The following MEIS2 variants were observed in gnomAD, a reference collection of about 807,000 sequenced individuals.
MEIS2 encodes the protein homeobox protein Meis2.
MEIS2 carries 9 observed loss-of-function variants against 58.6 expected under a neutral mutation model. The observed-to-expected ratio is 0.15, with a 90% confidence interval of 0.09 to 0.27. The LOEUF is 0.27. Ranked by LOEUF, MEIS2 falls within the 10% of genes least tolerant of loss-of-function variation. MEIS2 has a pLI of 1.00. For synonymous variants in MEIS2, 221 were observed against 228.4 expected (o/e 0.97, Z 0.29); for missense variants, 427 against 635.0 (o/e 0.67, Z 3.52).
intron 8 of MEIS2, among the ~76,000 whole-genome samples, chr15:37,003,319 T>C (rs1189757814): frequency 6.7e-6 from 1 of 150,254 alleles, no homozygotes; most frequent in African/African-American, 2.4e-5. Context: ...TCAAATATGA[T>C]ATGAATAAGT....
At chr15:37,059,938 T>C (rs914938728) in intron 7 of MEIS2, among the ~76,000 whole-genome samples, 6 of 151,680 alleles carry the variant, frequency 4.0e-5, no homozygotes, top group South Asian at 2.1e-4. Flanking sequence ...AAAAAAAAAA[T>C]TCTTTTTTTA....
At chr15:37,065,997 G>T (rs12592926) in intron 7 of MEIS2, among the ~76,000 whole-genome samples, 10,933 of 152,196 alleles carry the variant, frequency 0.072, 473 homozygotes, top group Middle Eastern at 0.19. Flanking sequence ...AAGAGAAGTA[G>T]TCTCATTATC....
At position 36,896,619 on chromosome 15, in the gene MEIS2, G is replaced by A. The variant is rs1454435617; in HGVS notation, c.1036+9C>T. On this transcript the variant is annotated intron_variant, in intron 10 of 11. Transcript: ENST00000561208. Reference sequence around the variant, plus strand: ...TGGGACATAAATATAGATACTACTTGGAACTTGCCTGCTCGATTTGACTGG... The same window carrying A: ...TGGGACATAAATATAGATACTACTTAGAACTTGCCTGCTCGATTTGACTGG... 6 of 1,608,482 alleles carry A rather than the reference G, an allele frequency of 3.7e-6. No homozygotes were observed. Among genetic ancestry groups the A allele is most frequent in the Middle Eastern group, 1.7e-4 (1 of 6,038 alleles).
At chr15:37,100,553 C>A (rs1340971177), upstream of MEIS2, 2 of 128,004 alleles carry the variant, frequency 1.6e-5, no homozygotes, top group East Asian at 4.6e-4. Flanking sequence ...CGAGTGCGAT[C>A]GGACAGCCCC....
chr15:37,009,863 G>A (rs1485854699), intron 8 of MEIS2, among the ~76,000 whole-genome samples: 1 of 152,192 alleles, frequency 6.6e-6, no homozygotes, highest in Non-Finnish European at 1.5e-5. Context: ...GATACACAGA[G>A]TAAATATGGA....
At chr15:37,063,712 C>T (rs1004863697) in intron 7 of MEIS2, among the ~76,000 whole-genome samples, 1 of 152,060 alleles carries the variant, frequency 6.6e-6, no homozygotes, top group African/African-American at 2.4e-5. Context: ...AGAACTGAGT[C>T]TCAGATTACG....
intron 8 of MEIS2, among the ~76,000 whole-genome samples, chr15:37,015,098 G>A (rs1037851687): frequency 2.0e-5 from 3 of 152,190 alleles, no homozygotes; most frequent in African/African-American, 4.8e-5. Context: ...AATATTTAGC[G>A]GAACGCTATG....
intron 8 of MEIS2, among the ~76,000 whole-genome samples, chr15:36,960,932 A>G (rs2059158095): frequency 6.6e-6 from 1 of 152,158 alleles, no homozygotes. Flanking sequence ...CCATAATAAG[A>G]AAGCTCTTAC....
intron 7 of MEIS2, among the ~76,000 whole-genome samples, chr15:37,068,882 A>G (rs1890314065): frequency 6.6e-6 from 1 of 152,168 alleles, no homozygotes; most frequent in African/African-American, 2.4e-5. Context: ...TCTGCCTACA[A>G]AGCAGCAGGT....
At chr15:36,930,779 C>T (rs768494799) in intron 9 of MEIS2, among the ~76,000 whole-genome samples, 36 of 152,112 alleles carry the variant, frequency 2.4e-4, no homozygotes, top group Non-Finnish European at 4.1e-4. Flanking sequence ...ATCATATATA[C>T]GCACATCTTT....
At chr15:36,976,189 A>G (rs994899442) in intron 8 of MEIS2, among the ~76,000 whole-genome samples, 2 of 151,792 alleles carry the variant, frequency 1.3e-5, no homozygotes, top group African/African-American at 4.8e-5. Context: ...GGTTCAAGCA[A>G]CTCTCCTGCC....
intron 5 of MEIS2, 151 bp downstream of exon 5, chr15:37,094,376 G>A (rs1893936729): frequency 1.1e-5 from 8 of 705,212 alleles, no homozygotes; most frequent in Non-Finnish European, 1.9e-5. Flanking sequence ...GAGCCCCTGT[G>A]TTGAGAAGCG....
intron 6 of MEIS2, among the ~76,000 whole-genome samples, chr15:37,088,420 A>C (rs1443668456): frequency 2.0e-5 from 3 of 152,212 alleles, no homozygotes; most frequent in South Asian, 2.1e-4. Context: ...ATTTCCCATA[A>C]CTTTATAATG....
chr15:36,931,307 A>G (rs1177885221), intron 9 of MEIS2, among the ~76,000 whole-genome samples: 1 of 152,236 alleles, frequency 6.6e-6, no homozygotes, highest in African/African-American at 2.4e-5. Flanking sequence ...AGAATAGCAC[A>G]ACCTTGATGG....
intron 11 of MEIS2, among the ~76,000 whole-genome samples, chr15:36,892,661 C>A (rs2055938720): frequency 6.6e-6 from 1 of 151,874 alleles, no homozygotes; most frequent in African/African-American, 2.4e-5. Context: ...CAGTATAATG[C>A]AACACAACAG....
chr15:36,928,428 A>G (rs2057834854), intron 9 of MEIS2, among the ~76,000 whole-genome samples: 2 of 152,170 alleles, frequency 1.3e-5, no homozygotes, highest in Non-Finnish European at 2.9e-5. Flanking sequence ...TGGATGAGGA[A>G]GCTGAGGGAC....
chr15:37,021,574 C>G (rs1008078071), intron 8 of MEIS2, among the ~76,000 whole-genome samples: 2 of 152,184 alleles, frequency 1.3e-5, no homozygotes, highest in Admixed American at 6.5e-5. Flanking sequence ...GATTACAAAC[C>G]TAAAAATGTT....
At chr15:37,023,911 C>CTTTT (rs35244111) in intron 8 of MEIS2, among the ~76,000 whole-genome samples, 7 of 101,508 alleles carry the variant, frequency 6.9e-5, no homozygotes, top group East Asian at 3.2e-4. Context: ...TTTTCTCTCT[C>CTTTT]TTTTTTTTTT....
intron 7 of MEIS2, among the ~76,000 whole-genome samples, chr15:37,063,506 T>C (rs1375746360): frequency 3.9e-5 from 6 of 152,166 alleles, no homozygotes; most frequent in Non-Finnish European, 1.5e-5. Context: ...TTTTCCCAAC[T>C]GAAAAACCCA....
Sources: gnomAD v4.1 joint callset for allele counts (sites outside exome capture counted in the v4.1 genomes callset) on GRCh38, gnomAD v4.1.1 for gene constraint, MANE v1.5 for transcripts, NCBI Gene and HGNC (gene_info 2026-07-23, HGNC 2026-07-21) for gene names.